Variants in LCOR observed in about 807,000 individuals in gnomAD.
LCOR encodes the protein ligand dependent nuclear receptor corepressor, also known as ligand-dependent corepressor.
A neutral mutation model predicts 64.4 loss-of-function variants in LCOR; 14 were observed. The observed-to-expected ratio is 0.22, with a 90% CI of 0.14 to 0.34. The LOEUF (loss-of-function observed/expected upper bound fraction) is 0.34, where lower values mean the gene tolerates loss of function less well. Ranked by LOEUF, LCOR falls within the 10% of genes least tolerant of loss-of-function variation. The probability of loss-of-function intolerance (pLI) is 1.00; values close to 1 mark genes in which losing one functional copy is unlikely to be tolerated. For missense variants in LCOR, 1,686 were observed against 1,765.3 expected, an observed-to-expected ratio of 0.96 and a Z score of 0.80; for synonymous variants, 643 against 642.5, an observed-to-expected ratio of 1.00 and a Z score of -0.01.
chr10:96,963,636 C>T (rs904163623), intron 7 of LCOR: 4 of 152,108 alleles, frequency 2.6e-5, no homozygotes, highest in African/African-American at 4.8e-5. Context: ...CAGTTTTGTC[C>T]GTGTATTTTG....
chr10:96,881,903 AT>A (rs1846269340), intron 2 of LCOR, among the ~76,000 whole-genome samples: 1 of 152,112 alleles, frequency 6.6e-6, no homozygotes. Context: ...ATAATTCACT[AT>A]TTCTCTTAGT....
At position 96,986,664 on chromosome 10, in the gene LCOR, T is replaced by C. The variant is rs1848152338; in HGVS notation, c.*1530T>C. ...TAGTGCCTGTGACCTTGCTCCATTA[T>C]TATAGTGCAGCGTGTACTTGACTTT... is the stretch of plus-strand genomic sequence containing the variant. On this transcript the variant is annotated 3_prime_UTR_variant, in exon 8 of 8. Coordinates refer to ENST00000421806, the MANE Select transcript of LCOR (RefSeq NM_001346516.2). 1.3e-5 allele frequency: 2 copies of C among 152,266 alleles called. No individual in the cohort carries two copies. The highest frequency in any genetic ancestry group is 1.3e-4 in the Admixed American group (2 of 15,286). The allele number at this position is 152,266 out of a possible 1,614,324, so 9.4% of individuals were successfully genotyped here.
chr10:96,893,667 G>A (rs1057241038), intron 2 of LCOR, among the ~76,000 whole-genome samples: 2 of 151,844 alleles, frequency 1.3e-5, no homozygotes, highest in African/African-American at 2.4e-5. Flanking sequence ...GGAGGCTGAG[G>A]CAGGAGAATT....
intron 2 of LCOR, among the ~76,000 whole-genome samples, chr10:96,893,745 A>G (rs892124557): frequency 6.6e-6 from 1 of 150,598 alleles, no homozygotes; most frequent in African/African-American, 2.5e-5. Flanking sequence ...CCTGGGTGAC[A>G]GAGCAAGACT....
At position 96,869,208 on chromosome 10, in the gene LCOR, GT is replaced by G. The variant is rs540410217; in HGVS notation, c.-330+35736del. Among the ~76,000 whole-genome samples the G allele has an allele frequency of 1.2e-4, 18 of 152,008 alleles. No homozygotes were observed. In the East Asian group the frequency reaches 3.5e-3, roughly 29 times the overall value. On this transcript the variant is annotated intron_variant, in intron 2 of 7. Coordinates refer to ENST00000421806, the MANE Select transcript of LCOR (RefSeq NM_001346516.2). ...AGGAGTGAGCTACTGTGCCTGGCCTGTTTTTTTGTTTGTTTTGGCGGGGGGT... is the reference window on the plus strand; with the variant it reads ...AGGAGTGAGCTACTGTGCCTGGCCTGTTTTTTGTTTGTTTTGGCGGGGGGT...
At chr10:96,967,751 GTTTAT>G (rs1029986958) in intron 7 of LCOR, among the ~76,000 whole-genome samples, 11 of 152,214 alleles carry the variant, frequency 7.2e-5, no homozygotes, top group East Asian at 5.8e-4. Context: ...GATGCCTTTT[GTTTAT>G]TTTAAGTTTT....
intron 7 of LCOR, chr10:96,964,180 T>C (rs1847923762): frequency 1.3e-5 from 2 of 152,074 alleles, no homozygotes; most frequent in Admixed American, 1.3e-4. Context: ...TTGACTGGAC[T>C]AAAACTGTGT....
At chr10:96,912,672 A>G (rs753037356) in intron 4 of LCOR, among the ~76,000 whole-genome samples, 1 of 113,030 alleles carries the variant, frequency 8.8e-6, no homozygotes, top group Non-Finnish European at 1.7e-5. Flanking sequence ...TTTGTAGTTA[A>G]TGGCTACATT....
chr10:96,919,402 ATTTG>A (rs1163896298), intron 4 of LCOR, among the ~76,000 whole-genome samples: 3 of 151,900 alleles, frequency 2.0e-5, no homozygotes, highest in Non-Finnish European at 4.4e-5. Context: ...GAAAGCTTGT[ATTTG>A]TTCTGCTTCT....
chr10:96,853,594 G>A (rs1845754951), intron 2 of LCOR, among the ~76,000 whole-genome samples: 2 of 152,124 alleles, frequency 1.3e-5, no homozygotes, highest in Non-Finnish European at 2.9e-5. Flanking sequence ...GATTTTGGCT[G>A]GACTTGCTCC....
chr10:96,950,099 G>C (rs1033312400), intron 6 of LCOR, among the ~76,000 whole-genome samples: 1 of 152,112 alleles, frequency 6.6e-6, no homozygotes, highest in African/African-American at 2.4e-5. Context: ...ATTGTAAATT[G>C]GTGATGTCTG....
intron 2 of LCOR, among the ~76,000 whole-genome samples, chr10:96,895,456 A>T (rs1194772671): frequency 2.0e-5 from 3 of 152,162 alleles, no homozygotes; most frequent in African/African-American, 7.2e-5. Context: ...TTGTCATAAT[A>T]GTCTCCTAAT....
At chr10:96,973,679 C>T (rs1848016542) in intron 7 of LCOR, among the ~76,000 whole-genome samples, 1 of 152,208 alleles carries the variant, frequency 6.6e-6, no homozygotes, top group South Asian at 2.1e-4. Context: ...ATAGTCAGCT[C>T]TCTAAAGCTT....
intron 3 of LCOR, 68 bp from the exon 4 acceptor site, chr10:96,907,600 A>G: frequency 1.6e-6 from 1 of 625,422 alleles, no homozygotes; most frequent in Non-Finnish European, 2.0e-6. Context: ...AATATTTTTG[A>G]AATTAATTCT....
intron 4 of LCOR, 65 bp downstream of exon 4, chr10:96,907,812 A>ATTGT: frequency 2.2e-6 from 1 of 449,422 alleles, no homozygotes. Context: ...CTTTTAAAAC[A>ATTGT]TTGTGTTACT....
At position 96,981,716 on chromosome 10, in the gene LCOR, C is replaced by A; in HGVS notation, c.1256C>A (p.Ser419Tyr). 3 of 1,614,180 alleles carry A rather than the reference C, an allele frequency of 1.9e-6. No individual in the cohort carries two copies. The South Asian group carries it at 3.3e-5, about 18-fold the overall frequency. The change falls in exon 8 of 8, where the codon TCC (serine) becomes TAC (tyrosine). Residue 419 changes from serine (S) to tyrosine (Y), a missense_variant. Ser to Tyr is a moderately radical substitution (Grantham distance 144). This residue lies in a region of LCOR where 1,293 missense variants were observed against 1,410.4 expected (regional missense o/e 0.92). Transcript: ENST00000421806. The stretch of plus-strand genomic sequence containing the variant: ...AGTGATAAGGGCCAGTTTGATCATT[C>A]CAAAGATGGTTGGTTAGGCCCCGGC... The part of the protein sequence containing the change: ...HPSDKGQFDH[S>Y]KDGWLGPGPM...
At chr10:96,856,363 A>T (rs1845804488) in intron 2 of LCOR, among the ~76,000 whole-genome samples, 1 of 150,888 alleles carries the variant, frequency 6.6e-6, no homozygotes, top group South Asian at 2.1e-4. Flanking sequence ...GCCCAGCCCT[A>T]ATGGGCATTT....
intron 2 of LCOR, among the ~76,000 whole-genome samples, chr10:96,872,970 C>T (rs1846097605): frequency 1.3e-5 from 2 of 151,748 alleles, no homozygotes; most frequent in African/African-American, 4.8e-5. Flanking sequence ...GCAGGGTTAC[C>T]CCAAATCCCA....
At position 96,832,310 on chromosome 10, in the gene LCOR, G is replaced by A. The variant is rs1482574337; in HGVS notation, c.-493G>A. On this transcript the variant is annotated 5_prime_UTR_variant, in exon 1 of 8. Transcript: ENST00000421806. ...CCGGGCGGGCGGCAGAAGATGGCGAGGGTGTGTAGGCGGCAGCAATGCTCC... is the reference window on the plus strand; with the variant it reads ...CCGGGCGGGCGGCAGAAGATGGCGAAGGTGTGTAGGCGGCAGCAATGCTCC... 7 of 982,928 alleles carry A rather than the reference G, an allele frequency of 7.1e-6. No individual in the cohort carries two copies. The highest frequency in any genetic ancestry group is 8.4e-6 in the Non-Finnish European group (7 of 828,936). The allele number at this position is 982,928 out of a possible 1,614,324, so 60.9% of individuals were successfully genotyped here.
Sources: gnomAD v4.1 joint callset for allele counts (sites outside exome capture counted in the v4.1 genomes callset) on GRCh38, gnomAD v4.1.1 for gene constraint, gnomAD v4.1.1 regional missense constraint, MANE v1.5 for transcripts, NCBI Gene and HGNC (gene_info 2026-07-23, HGNC 2026-07-21) for gene names.